CTNNA2: variants seen among roughly 807,000 people sequenced by gnomAD.
The protein encoded by CTNNA2 is catenin alpha-2.
Under a neutral mutation model 101.0 loss-of-function variants are expected in CTNNA2, and 42 were observed. The ratio of observed to expected loss-of-function variants is 0.42; its 90% CI spans 0.32 to 0.54. CTNNA2 has a LOEUF of 0.54. Among genes scored for constraint, CTNNA2 ranks in the 20% least tolerant of loss-of-function variants. The pLI is 0.14. For synonymous variants in CTNNA2, 450 were observed against 456.4 expected (o/e 0.99, Z 0.18); for missense variants, 871 against 1,223.1 (o/e 0.71, Z 4.29).
chr2:80,480,821 A>G (rs961501559), intron 9 of CTNNA2, among the ~76,000 whole-genome samples: 6 of 151,984 alleles, frequency 3.9e-5, no homozygotes, highest in Admixed American at 1.3e-4. Context: ...AGGACCCTCT[A>G]TTTTTCCCTG....
intron 7 of CTNNA2, among the ~76,000 whole-genome samples, chr2:80,041,333 G>A (rs1385098040): frequency 6.6e-6 from 1 of 151,780 alleles, no homozygotes; most frequent in African/African-American, 2.4e-5. Flanking sequence ...TATAATGGAA[G>A]TGGTATGACA....
chr2:79,837,740 G>A (rs1184753021), intron 3 of CTNNA2, among the ~76,000 whole-genome samples: 1 of 151,604 alleles, frequency 6.6e-6, no homozygotes, highest in Non-Finnish European at 1.5e-5. Context: ...TTAGAAAGTA[G>A]AAAGTGTGTT....
At chr2:79,372,483 A>G (rs1382972664) in intron 3 of CTNNA2, among the ~76,000 whole-genome samples, 1 of 152,196 alleles carries the variant, frequency 6.6e-6, no homozygotes, top group East Asian at 1.9e-4. Context: ...ATTGAAAGCC[A>G]GGCATGTACT....
At chr2:79,721,783 T>A (rs2104866952) in intron 2 of CTNNA2, among the ~76,000 whole-genome samples, 1 of 152,332 alleles carries the variant, frequency 6.6e-6, no homozygotes, top group South Asian at 2.1e-4. Flanking sequence ...AAGTCCTCAT[T>A]ATTAGAAAAG....
intron 7 of CTNNA2, among the ~76,000 whole-genome samples, chr2:80,045,830 A>C (rs1286424301): frequency 1.3e-5 from 2 of 152,192 alleles, no homozygotes; most frequent in Admixed American, 6.5e-5. Flanking sequence ...GTGCATTGTC[A>C]ATCTTTGGGA....
At chr2:79,215,061 T>C (rs1246775836) in intron 2 of CTNNA2, among the ~76,000 whole-genome samples, 1 of 152,126 alleles carries the variant, frequency 6.6e-6, no homozygotes, top group Non-Finnish European at 1.5e-5. Flanking sequence ...TCTGAGGCGA[T>C]CGGGCAGCGT....
intron 9 of CTNNA2, among the ~76,000 whole-genome samples, chr2:80,488,597 A>G (rs1440494290): frequency 6.6e-6 from 1 of 152,220 alleles, no homozygotes; most frequent in Non-Finnish European, 1.5e-5. Flanking sequence ...CAAAATGAAC[A>G]GGAGCCTGAG....
At chr2:79,972,071 A>T (rs960865987) in intron 7 of CTNNA2, among the ~76,000 whole-genome samples, 1 of 152,196 alleles carries the variant, frequency 6.6e-6, no homozygotes, top group African/African-American at 2.4e-5. Flanking sequence ...CTTTGGTTGC[A>T]GCAGATCACG....
At chr2:80,383,585 T>G (rs781360001) in intron 7 of CTNNA2, among the ~76,000 whole-genome samples, 1 of 152,146 alleles carries the variant, frequency 6.6e-6, no homozygotes. Context: ...AGCTTTTCTT[T>G]GAAGAATGGG....
intron 7 of CTNNA2, among the ~76,000 whole-genome samples, chr2:79,965,235 A>G (rs1689954792): frequency 6.6e-6 from 1 of 152,198 alleles, no homozygotes; most frequent in Non-Finnish European, 1.5e-5. Flanking sequence ...TGGATGTGAA[A>G]TGCAACCTTT....
intron 7 of CTNNA2, among the ~76,000 whole-genome samples, chr2:80,227,252 T>C (rs1708941611): frequency 6.6e-6 from 1 of 152,324 alleles, no homozygotes; most frequent in East Asian, 1.9e-4. Flanking sequence ...TAGGCATTAT[T>C]TCATGAAATA....
At chr2:80,256,629 C>T (rs577778332) in intron 7 of CTNNA2, among the ~76,000 whole-genome samples, 97 of 152,206 alleles carry the variant, frequency 6.4e-4, no homozygotes, top group African/African-American at 2.3e-3. Flanking sequence ...CCCTAGAAAG[C>T]GGTCATCCAG....
intron 15 of CTNNA2, among the ~76,000 whole-genome samples, chr2:80,598,892 A>G (rs1256506185): frequency 6.6e-6 from 1 of 152,238 alleles, no homozygotes; most frequent in Non-Finnish European, 1.5e-5. Context: ...TGGTATAAAC[A>G]GTATGAGAGA....
intron 4 of CTNNA2, chr2:79,505,050 G>A (rs1671382654): frequency 6.6e-6 from 1 of 152,142 alleles, no homozygotes; most frequent in Non-Finnish European, 1.5e-5. Context: ...TCTCTTTCTG[G>A]TAGCACCTCT....
intron 7 of CTNNA2, among the ~76,000 whole-genome samples, chr2:80,308,237 A>C (rs1677213544): frequency 6.6e-6 from 1 of 152,174 alleles, no homozygotes; most frequent in Non-Finnish European, 1.5e-5. Context: ...ATTTGTGAAC[A>C]CAGAGGTGCA....
intron 4 of CTNNA2, among the ~76,000 whole-genome samples, chr2:79,471,262 A>T (rs1670995405): frequency 6.6e-6 from 1 of 152,160 alleles, no homozygotes; most frequent in Non-Finnish European, 1.5e-5. Flanking sequence ...TATGTGTCTC[A>T]GTCAGTTTGA....
intron 7 of CTNNA2, among the ~76,000 whole-genome samples, chr2:80,272,220 C>G (rs1320976466): frequency 6.6e-6 from 1 of 152,146 alleles, no homozygotes; most frequent in African/African-American, 2.4e-5. Context: ...TCCATTGATT[C>G]TAGTAAATTA....
intron 2 of CTNNA2, among the ~76,000 whole-genome samples, chr2:79,679,537 G>A (rs117098124): frequency 6.6e-6 from 1 of 151,684 alleles, no homozygotes; most frequent in East Asian, 1.9e-4. Flanking sequence ...ATCCTGCCCC[G>A]CAGCATGCAG....
At chr2:80,116,249 T>C in intron 7 of CTNNA2, among the ~76,000 whole-genome samples, 1 of 152,084 alleles carries the variant, frequency 6.6e-6, no homozygotes, top group East Asian at 1.9e-4. Context: ...GGATTTGACC[T>C]GTGGGCTATA....
Sources: gnomAD v4.1 joint callset for allele counts (sites outside exome capture counted in the v4.1 genomes callset) on GRCh38, gnomAD v4.1.1 for gene constraint, MANE v1.5 for transcripts, NCBI Gene and HGNC (gene_info 2026-07-23, HGNC 2026-07-21) for gene names.